Variants in IGSF21 observed in about 807,000 individuals in gnomAD.
IGSF21 encodes the protein immunoglobin superfamily member 21.
Under a neutral mutation model 46.8 loss-of-function variants are expected in IGSF21, and 28 were observed. That is an observed-to-expected ratio of 0.60 (90% CI 0.44 to 0.82). The LOEUF (loss-of-function observed/expected upper bound fraction) is 0.82, where lower values mean the gene tolerates loss of function less well. IGSF21 is among the 40% of genes least tolerant of loss of function. The pLI is 0.00. For synonymous variants in IGSF21, 284 were observed against 273.6 expected, an observed-to-expected ratio of 1.04 and a Z score of -0.38; for missense variants, 624 against 665.5, an observed-to-expected ratio of 0.94 and a Z score of 0.69.
At chr1:18,308,394 A>G (rs1427908301) in intron 3 of IGSF21, among the ~76,000 whole-genome samples, 2 of 152,204 alleles carry the variant, frequency 1.3e-5, no homozygotes, top group African/African-American at 4.8e-5. Context: ...CTGATGCACC[A>G]GAGGCCAAGT....
intron 6 of IGSF21, among the ~76,000 whole-genome samples, chr1:18,368,732 A>C (rs1202314952): frequency 6.6e-6 from 1 of 151,996 alleles, no homozygotes; most frequent in Non-Finnish European, 1.5e-5. Context: ...TGGTTGCTTC[A>C]TTTATGAAAG....
chr1:18,237,189 C>G (rs10907298), intron 2 of IGSF21, among the ~76,000 whole-genome samples: 124,430 of 152,124 alleles, frequency 0.82, 51,757 homozygotes, highest in Non-Finnish European at 0.9. Context: ...CAGCCGAGAG[C>G]GTTTAGGGGA....
At chr1:18,277,632 CT>C (rs2085114954) in intron 2 of IGSF21, among the ~76,000 whole-genome samples, 2 of 152,208 alleles carry the variant, frequency 1.3e-5, no homozygotes, top group Admixed American at 6.5e-5. Context: ...GTCCAGGTGC[CT>C]TTTAACAAAA....
chr1:18,304,910 G>A (rs976219694), intron 3 of IGSF21, among the ~76,000 whole-genome samples: 17 of 152,204 alleles, frequency 1.1e-4, no homozygotes, highest in African/African-American at 2.2e-4. Flanking sequence ...ATTTGTTGCC[G>A]TGGTATTTCT....
chr1:18,297,659 T>C (rs970794595), intron 3 of IGSF21, among the ~76,000 whole-genome samples: 19 of 152,202 alleles, frequency 1.2e-4, no homozygotes, highest in African/African-American at 4.6e-4. Flanking sequence ...AAGTCCCACA[T>C]ATAAAATGGC....
At chr1:18,360,040 C>A (rs2086082634) in intron 4 of IGSF21, among the ~76,000 whole-genome samples, 1 of 152,090 alleles carries the variant, frequency 6.6e-6, no homozygotes, top group Non-Finnish European at 1.5e-5. Context: ...AATAAATAAA[C>A]CCAGCCTGTA....
chr1:18,245,837 T>C (rs2084778363), intron 2 of IGSF21, among the ~76,000 whole-genome samples: 1 of 151,872 alleles, frequency 6.6e-6, no homozygotes, highest in African/African-American at 2.4e-5. Flanking sequence ...TCCCAGGAGG[T>C]CCCAAACCAC....
intron 1 of IGSF21, among the ~76,000 whole-genome samples, chr1:18,145,319 C>A (rs569544827): frequency 6.6e-6 from 1 of 152,266 alleles, no homozygotes; most frequent in African/African-American, 2.4e-5. Flanking sequence ...TTCTTGCCAC[C>A]AATTTCCTCA....
At position 18,108,128 on chromosome 1, in the gene IGSF21, C is replaced by T; in HGVS notation, c.-1C>T. On this transcript the variant is annotated 5_prime_UTR_variant, in exon 1 of 10. Transcript: ENST00000251296. Reference sequence around the variant, plus strand: ...GCCACCGCCGCCAGCTCCCGGGCACCATGCGAACCGCCCCGAGCCTCCGCC... The same window carrying T: ...GCCACCGCCGCCAGCTCCCGGGCACTATGCGAACCGCCCCGAGCCTCCGCC... 1 of 1,398,920 alleles carries T rather than the reference C, an allele frequency of 7.1e-7. No homozygotes were observed. The highest frequency in any genetic ancestry group is 9.4e-7 in the Non-Finnish European group (1 of 1,065,796). 86.7% of individuals were successfully genotyped at this position (1,398,920 alleles called of 1,614,324 possible).
chr1:18,134,337 A>G (rs2086349673), intron 1 of IGSF21, among the ~76,000 whole-genome samples: 1 of 151,946 alleles, frequency 6.6e-6, no homozygotes, highest in South Asian at 2.1e-4. Context: ...CTCAAACCCC[A>G]TTTGAGCTGC....
chr1:18,152,635 A>T (rs1044139957), intron 1 of IGSF21, among the ~76,000 whole-genome samples: 4 of 152,138 alleles, frequency 2.6e-5, no homozygotes, highest in African/African-American at 9.7e-5. Context: ...TATCATAATC[A>T]TGATTTCTCT....
At chr1:18,260,759 T>A (rs1233835527) in intron 2 of IGSF21, among the ~76,000 whole-genome samples, 1 of 152,180 alleles carries the variant, frequency 6.6e-6, no homozygotes, top group Non-Finnish European at 1.5e-5. Context: ...GTTCCTTCCA[T>A]CCAGTCCCTG....
At chr1:18,326,502 A>G (rs893258536) in intron 3 of IGSF21, among the ~76,000 whole-genome samples, 1 of 152,186 alleles carries the variant, frequency 6.6e-6, no homozygotes, top group African/African-American at 2.4e-5. Context: ...ACAAATGAAA[A>G]GCCTCTCTCA....
chr1:18,340,627 G>A (rs957220111), intron 4 of IGSF21, among the ~76,000 whole-genome samples: 1 of 152,176 alleles, frequency 6.6e-6, no homozygotes, highest in Non-Finnish European at 1.5e-5. Flanking sequence ...CAAACTGGGT[G>A]GCTTAAAACC....
At chr1:18,370,237 C>T (rs1302882274) in intron 6 of IGSF21, among the ~76,000 whole-genome samples, 1 of 152,146 alleles carries the variant, frequency 6.6e-6, no homozygotes, top group Non-Finnish European at 1.5e-5. Flanking sequence ...GACACCCGCC[C>T]AAAACCTTCC....
chr1:18,160,993 G>A (rs1225007471), intron 1 of IGSF21, among the ~76,000 whole-genome samples: 1 of 152,128 alleles, frequency 6.6e-6, no homozygotes, highest in Non-Finnish European at 1.5e-5. Flanking sequence ...AAGTCATTAT[G>A]GGTGCAGGGG....
intron 1 of IGSF21, among the ~76,000 whole-genome samples, chr1:18,173,753 G>A (rs192957393): frequency 1.7e-4 from 26 of 152,238 alleles, no homozygotes; most frequent in Admixed American, 5.2e-4. Flanking sequence ...ATTTATGTAC[G>A]TATGTATTTA....
intron 6 of IGSF21, 50 bp from the exon 7 acceptor site, chr1:18,376,260 C>A: frequency 8.0e-7 from 1 of 1,245,886 alleles, no homozygotes; most frequent in Non-Finnish European, 1.2e-6. Flanking sequence ...TCCATGTACC[C>A]TGTCCCTCCT....
At chr1:18,230,232 G>A (rs1233527158) in intron 2 of IGSF21, among the ~76,000 whole-genome samples, 1 of 152,164 alleles carries the variant, frequency 6.6e-6, no homozygotes, top group Non-Finnish European at 1.5e-5. Flanking sequence ...GGGGCAGGAG[G>A]ATCCATGTCC....
Sources: gnomAD v4.1 joint callset for allele counts (sites outside exome capture counted in the v4.1 genomes callset) on GRCh38, gnomAD v4.1.1 for gene constraint, MANE v1.5 for transcripts, NCBI Gene and HGNC (gene_info 2026-07-23, HGNC 2026-07-21) for gene names.